Variants in DYNC1LI1 observed in about 807,000 individuals in gnomAD.
DYNC1LI1 encodes cytoplasmic dynein 1 light intermediate chain 1.
DYNC1LI1 carries 19 observed loss-of-function variants against 63.8 expected under a neutral mutation model. That is an observed-to-expected ratio of 0.30 (90% confidence interval 0.21 to 0.44). The LOEUF is 0.44. Ranked by LOEUF, DYNC1LI1 falls within the 20% of genes least tolerant of loss-of-function variation. DYNC1LI1 has a pLI of 1.00. For missense variants in DYNC1LI1, 565 were observed against 630.2 expected, an observed-to-expected ratio of 0.90 and a Z score of 1.11; for synonymous variants, 225 against 232.3, an observed-to-expected ratio of 0.97 and a Z score of 0.28.
rs143014428 is a variant in DYNC1LI1 at position 32,530,157 on chromosome 3, C to T, written c.1185+127G>A. ...TACACTTTTAAAATCTCACAAATTA[C>T]AGAAGAATTCTGAATTCAAGTTTAT... On this transcript the variant is annotated intron_variant, in intron 10 of 12. Transcript: ENST00000273130. The T allele has an allele frequency of 8.6e-5, 68 of 790,498 alleles. No homozygotes were observed. In the African/African-American group the frequency reaches 9.0e-4, roughly 10 times the overall value. The allele number at this position is 790,498 out of a possible 1,614,324, so 49.0% of individuals were successfully genotyped here.
intron 2 of DYNC1LI1, among the ~76,000 whole-genome samples, chr3:32,548,369 A>G (rs6793423): frequency 0.31 from 46,930 of 151,950 alleles, 7,397 homozygotes; most frequent in African/African-American, 0.37. Context: ...GATCTGAGGT[A>G]AAAGAGTTTC....
At chr3:32,554,482 A>G (rs1282004831) in intron 2 of DYNC1LI1, among the ~76,000 whole-genome samples, 1 of 152,226 alleles carries the variant, frequency 6.6e-6, no homozygotes, top group Admixed American at 6.5e-5. Flanking sequence ...TTTCATAAAC[A>G]CAGCATTTTG....
At chr3:32,546,117 T>C (rs1030385516) in intron 2 of DYNC1LI1, 152 bp from the exon 3 acceptor site, 4 of 579,166 alleles carry the variant, frequency 6.9e-6, no homozygotes, top group Non-Finnish European at 1.2e-5. Flanking sequence ...GTATTAAACA[T>C]GCAGACTTGG....
chr3:32,529,688 T>C (rs779174276), intron 10 of DYNC1LI1, 28 bp from the exon 11 acceptor site: 6 of 1,549,846 alleles, frequency 3.9e-6, no homozygotes, highest in Middle Eastern at 2.4e-4. Flanking sequence ...AATACAATTA[T>C]AAAAACCTGA....
intron 8 of DYNC1LI1, 80 bp from the exon 9 acceptor site, chr3:32,530,600 A>C: frequency 7.8e-7 from 1 of 1,275,398 alleles, no homozygotes; most frequent in Admixed American, 1.8e-5. Flanking sequence ...AGATTGGACT[A>C]ATTAAAAAAC....
intron 2 of DYNC1LI1, among the ~76,000 whole-genome samples, chr3:32,568,903 A>G (rs1020060021): frequency 6.6e-6 from 1 of 152,154 alleles, no homozygotes; most frequent in Non-Finnish European, 1.5e-5. Context: ...CTAAAAATAT[A>G]TTATACAATT....
At chr3:32,539,329 A>G (rs973344838) in intron 5 of DYNC1LI1, among the ~76,000 whole-genome samples, 1 of 152,196 alleles carries the variant, frequency 6.6e-6, no homozygotes, top group African/African-American at 2.4e-5. Flanking sequence ...GCTAGGTTTT[A>G]GATTTTTTAA....
At chr3:32,537,966 ATATATATT>A (rs1204274331) in intron 5 of DYNC1LI1, among the ~76,000 whole-genome samples, 252 of 3,002 alleles carry the variant, frequency 0.084, 27 homozygotes, top group African/African-American at 0.19. Context: ...TATATAATAT[ATATATATT>A]TATATATAAT....
intron 8 of DYNC1LI1, chr3:32,532,218 C>G (rs993404490): frequency 6.6e-6 from 1 of 152,066 alleles, no homozygotes; most frequent in African/African-American, 2.4e-5. Context: ...GTAATCCCAG[C>G]ACTTTGGGAG....
At chr3:32,569,907 T>G (rs1331450015) in intron 2 of DYNC1LI1, among the ~76,000 whole-genome samples, 4 of 152,264 alleles carry the variant, frequency 2.6e-5, no homozygotes, top group Non-Finnish European at 5.9e-5. Flanking sequence ...AGGTCTTAGT[T>G]CTAGCTTCTG....
intron 2 of DYNC1LI1, among the ~76,000 whole-genome samples, chr3:32,553,594 C>T (rs144442210): frequency 8.9e-4 from 136 of 152,340 alleles, no homozygotes; most frequent in Middle Eastern, 3.4e-3. Context: ...TATGTCCCTT[C>T]GCCCATACCT....
At chr3:32,549,243 T>C (rs1697999385) in intron 2 of DYNC1LI1, among the ~76,000 whole-genome samples, 1 of 151,426 alleles carries the variant, frequency 6.6e-6, no homozygotes, top group South Asian at 2.1e-4. Flanking sequence ...TAATTTATAA[T>C]TTTGGGGTTT....
chr3:32,553,397 CA>C, intron 2 of DYNC1LI1, among the ~76,000 whole-genome samples: 1 of 152,020 alleles, frequency 6.6e-6, no homozygotes. Context: ...CAGTTGCAGC[CA>C]AAAATTGATC....
In DYNC1LI1 at chr3:32,533,017, T is replaced by C; in HGVS notation, c.1049A>G (p.Glu350Gly). 1 of 1,601,288 alleles carries C rather than the reference T, an allele frequency of 6.2e-7. No individual in the cohort carries two copies. Among genetic ancestry groups the C allele is most frequent in the Non-Finnish European group, 8.5e-7 (1 of 1,177,098 alleles). ...AACAGGTGGTTTAGTTATGATGTCT[T>C]CAAAATTATCTTCTGCTTTTAATGT... ...FQTLKAEDNF[E>G]DIITKPPVRK... Residue 350 changes from glutamate to glycine, a missense_variant, in exon 8 of 13, where the codon GAA becomes GGA. Coordinates refer to ENST00000273130, the MANE Select transcript of DYNC1LI1 (RefSeq NM_016141.4).
intron 12 of DYNC1LI1, among the ~76,000 whole-genome samples, chr3:32,527,918 C>T (rs1282696558): frequency 6.6e-6 from 1 of 151,420 alleles, no homozygotes; most frequent in African/African-American, 2.4e-5. Flanking sequence ...GCCAGGAATT[C>T]GAGACCAGCC....
chr3:32,550,223 G>C (rs1296244024), intron 2 of DYNC1LI1, among the ~76,000 whole-genome samples: 1 of 152,084 alleles, frequency 6.6e-6, no homozygotes, highest in Non-Finnish European at 1.5e-5. Flanking sequence ...CCTTAAGTCG[G>C]GAGTTAGAGA....
At chr3:32,566,777 T>C (rs1397240743) in intron 2 of DYNC1LI1, 5 of 411,378 alleles carry the variant, frequency 1.2e-5, no homozygotes, top group Middle Eastern at 7.9e-4. Flanking sequence ...ACAAATATAA[T>C]CAATTGTATT....
At chr3:32,538,849 T>C (rs979097030) in intron 5 of DYNC1LI1, among the ~76,000 whole-genome samples, 11 of 152,108 alleles carry the variant, frequency 7.2e-5, no homozygotes, top group Admixed American at 2.0e-4. Flanking sequence ...TTCTCTCCCT[T>C]TGGAAACACA....
chr3:32,546,728 C>T (rs930508865), intron 2 of DYNC1LI1, among the ~76,000 whole-genome samples: 27 of 152,224 alleles, frequency 1.8e-4, no homozygotes, highest in Admixed American at 1.4e-3. Context: ...TCAATCAGTT[C>T]CCTGTACATC....
Sources: gnomAD v4.1 joint callset for allele counts (sites outside exome capture counted in the v4.1 genomes callset) on GRCh38, gnomAD v4.1.1 for gene constraint, MANE v1.5 for transcripts, NCBI Gene and HGNC (gene_info 2026-07-23, HGNC 2026-07-21) for gene names.